Variants in CLASP1 observed in about 807,000 individuals in gnomAD.
CLASP1 encodes CLIP-associating protein 1.
A neutral mutation model predicts 192.3 loss-of-function variants in CLASP1; 38 were observed. That is an observed-to-expected ratio of 0.20 (90% CI 0.15 to 0.26). The LOEUF is 0.26. Ranked by LOEUF, CLASP1 falls within the 10% of genes least tolerant of loss-of-function variation. The pLI is 1.00. For synonymous variants in CLASP1, 691 were observed against 712.8 expected, an observed-to-expected ratio of 0.97 and a Z score of 0.49; for missense variants, 1,433 against 1,932.5, an observed-to-expected ratio of 0.74 and a Z score of 4.85.
At chr2:121,384,460 T>C (rs1194577708) in intron 32 of CLASP1, among the ~76,000 whole-genome samples, 1 of 152,096 alleles carries the variant, frequency 6.6e-6, no homozygotes, top group Admixed American at 6.5e-5. Context: ...AGTGCTGGGA[T>C]TACAGGCATC....
At chr2:121,365,429 C>G in intron 35 of CLASP1, 145 bp from the exon 37 acceptor site, 2 of 760,170 alleles carry the variant, frequency 2.6e-6, no homozygotes, top group East Asian at 5.4e-5. Flanking sequence ...ACCCTCCGCC[C>G]TGCTTCGCTG....
chr2:121,370,763 C>G (rs769897237), intron 34 of CLASP1, among the ~76,000 whole-genome samples: 1 of 152,204 alleles, frequency 6.6e-6, no homozygotes, highest in African/African-American at 2.4e-5. Flanking sequence ...CCACTGCACT[C>G]CCCCCACTCC....
intron 39 of CLASP1, among the ~76,000 whole-genome samples, chr2:121,345,470 T>C (rs376691538): frequency 2.6e-5 from 4 of 152,228 alleles, no homozygotes; most frequent in South Asian, 2.1e-4. Flanking sequence ...CATGTTCTTT[T>C]TGGATGAATT....
chr2:121,547,931 G>A (rs547550135), intron 2 of CLASP1, among the ~76,000 whole-genome samples: 1 of 147,552 alleles, frequency 6.8e-6, no homozygotes, highest in East Asian at 2.0e-4. Flanking sequence ...TCACTTGACT[G>A]TACTCAATCT....
At chr2:121,537,571 T>C (rs2095123785) in intron 2 of CLASP1, among the ~76,000 whole-genome samples, 1 of 152,064 alleles carries the variant, frequency 6.6e-6, no homozygotes, top group African/African-American at 2.4e-5. Context: ...GTTTAAAAGA[T>C]GAAAATTAAG....
At chr2:121,357,000 G>A (rs541468408) in intron 37 of CLASP1, among the ~76,000 whole-genome samples, 3 of 152,292 alleles carry the variant, frequency 2.0e-5, no homozygotes, top group African/African-American at 7.2e-5. Context: ...AGCATCAGAT[G>A]GGAAGCTGGG....
intron 37 of CLASP1, among the ~76,000 whole-genome samples, chr2:121,355,711 C>A (rs2065264448): frequency 6.6e-6 from 1 of 152,070 alleles, no homozygotes; most frequent in African/African-American, 2.4e-5. Flanking sequence ...TAAATGTAAG[C>A]AAACAGAGAG....
At chr2:121,431,555 A>G (rs1318789002) in intron 19 of CLASP1, among the ~76,000 whole-genome samples, 1 of 152,222 alleles carries the variant, frequency 6.6e-6, no homozygotes. Context: ...CAAAGTGAAC[A>G]TGAAAAAAAC....
At chr2:121,579,622 T>C (rs886797745) in intron 2 of CLASP1, among the ~76,000 whole-genome samples, 1 of 152,184 alleles carries the variant, frequency 6.6e-6, no homozygotes, top group Non-Finnish European at 1.5e-5. Context: ...GTTTGTAATA[T>C]ACAAAGAACA....
intron 2 of CLASP1, among the ~76,000 whole-genome samples, chr2:121,599,920 A>T (rs1576364938): frequency 1.3e-5 from 2 of 151,508 alleles, no homozygotes; most frequent in Non-Finnish European, 2.9e-5. Flanking sequence ...CTCTGTCAAA[A>T]AAAAAAAAAA....
exon 23 of CLASP1, chr2:121,418,726 C>T (rs374244033): frequency 1.3e-5 from 21 of 1,607,228 alleles, no homozygotes; most frequent in Middle Eastern, 1.6e-4. Flanking sequence ...ACGGCTGCTC[C>T]GTGCTAGCGT....
chr2:121,474,536 A>G (rs1426740624), intron 8 of CLASP1, among the ~76,000 whole-genome samples: 1 of 152,120 alleles, frequency 6.6e-6, no homozygotes, highest in African/African-American at 2.4e-5. Flanking sequence ...GGAGATAGAG[A>G]CCATCCTGGC....
intron 2 of CLASP1, among the ~76,000 whole-genome samples, chr2:121,532,208 G>C (rs1467398484): frequency 6.6e-6 from 1 of 152,154 alleles, no homozygotes; most frequent in Non-Finnish European, 1.5e-5. Context: ...GTTCTTGCAA[G>C]AAACTGGCTA....
intron 7 of CLASP1, among the ~76,000 whole-genome samples, chr2:121,510,261 A>G (rs974245084): frequency 2.0e-5 from 3 of 150,112 alleles, no homozygotes; most frequent in African/African-American, 7.3e-5. Flanking sequence ...TGAAACCAGA[A>G]GTTAGTTCTT....
At chr2:121,598,335 T>A (rs1339431188) in intron 2 of CLASP1, among the ~76,000 whole-genome samples, 1 of 152,180 alleles carries the variant, frequency 6.6e-6, no homozygotes, top group Non-Finnish European at 1.5e-5. Flanking sequence ...CTGATCCCAA[T>A]ATGAGTCTGA....
At chr2:121,644,363 AC>A (rs1309035674) in intron 1 of CLASP1, among the ~76,000 whole-genome samples, 2 of 151,694 alleles carry the variant, frequency 1.3e-5, no homozygotes, top group African/African-American at 2.4e-5. Flanking sequence ...AAAAAAAAAA[AC>A]AATGGCCGGG....
intron 10 of CLASP1, 140 bp downstream of exon 10, chr2:121,462,392 C>A: frequency 1.9e-6 from 1 of 531,498 alleles, no homozygotes; most frequent in Non-Finnish European, 3.4e-6. Flanking sequence ...ATTTTCTGGT[C>A]TGCACCTCAG....
At chr2:121,387,305 A>C in intron 31 of CLASP1, 77 bp from the exon 33 acceptor site, 2 of 1,017,422 alleles carry the variant, frequency 2.0e-6, no homozygotes, top group Admixed American at 3.4e-5. Flanking sequence ...TGGTCTTTTA[A>C]CCCACATGTA....
chr2:121,645,946 G>A (rs927595633), intron 1 of CLASP1, among the ~76,000 whole-genome samples: 1 of 152,158 alleles, frequency 6.6e-6, no homozygotes, highest in Non-Finnish European at 1.5e-5. Flanking sequence ...CATTTTAGAG[G>A]TCATTTAGTC....
Sources: allele counts gnomAD v4.1 joint callset (sites outside exome capture counted in the v4.1 genomes callset), GRCh38; gene constraint gnomAD v4.1.1; transcripts MANE v1.5; gene names NCBI Gene and HGNC (gene_info 2026-07-23, HGNC 2026-07-21).